Variants in COL6A5 observed in about 807,000 individuals in gnomAD.
COL6A5 encodes the protein collagen alpha-5(VI) chain.
COL6A5 carries 48 observed loss-of-function variants against 65.6 expected under a neutral mutation model. That is an observed-to-expected ratio of 0.73 (90% confidence interval 0.58 to 0.93). The LOEUF is 0.93. Ranked by LOEUF, COL6A5 falls within the 40% of genes least tolerant of loss-of-function variation. COL6A5 has a pLI of 0.00. For synonymous variants in COL6A5, 291 were observed against 322.8 expected (o/e 0.90, Z 1.05); for missense variants, 914 against 928.3 (o/e 0.98, Z 0.20).
At chr3:130,385,447 G>C in intron 5 of COL6A5, 83 bp downstream of exon 5, 1 of 1,330,624 alleles carries the variant, frequency 7.5e-7, no homozygotes, top group Non-Finnish European at 1.0e-6. Flanking sequence ...GACAAGGCCT[G>C]ATGTGACCAG....
intron 12 of COL6A5, among the ~76,000 whole-genome samples, chr3:130,402,805 A>G (rs1936859501): frequency 3.9e-5 from 6 of 152,214 alleles, no homozygotes; most frequent in Admixed American, 3.9e-4. Context: ...CTATACATTT[A>G]TATTTTATAC....
chr3:130,399,377 T>C (rs1035859094), intron 10 of COL6A5, among the ~76,000 whole-genome samples: 14 of 151,186 alleles, frequency 9.3e-5, no homozygotes, highest in African/African-American at 2.9e-4. Flanking sequence ...TTTCTTTTTT[T>C]TTTTTTTTTT....
exon 3 of COL6A5, chr3:130,440,329 A>G (rs772898632): frequency 5.0e-6 from 8 of 1,613,466 alleles, no homozygotes; most frequent in Non-Finnish European, 6.8e-6. Context: ...ACATTGCTTC[A>G]GACCCTTTAA....
intron 25 of COL6A5, 142 bp downstream of exon 25, chr3:130,419,073 C>T: frequency 1.5e-6 from 1 of 687,506 alleles, no homozygotes; most frequent in Non-Finnish European, 2.6e-6. Flanking sequence ...ACATTTCTCC[C>T]ACCCCCTAAA....
At chr3:130,414,030 G>A (rs758848656) in intron 21 of COL6A5, 39 bp from the exon 22 acceptor site, 15 of 1,396,796 alleles carry the variant, frequency 1.1e-5, no homozygotes, top group African/African-American at 7.1e-5. Context: ...TGGAAACAAC[G>A]TGTAGAAATG....
At chr3:130,362,280 G>C (rs56185405) in intron 1 of COL6A5, among the ~76,000 whole-genome samples, 31 of 14,642 alleles carry the variant, frequency 2.1e-3, no homozygotes, top group Middle Eastern at 0.071. Context: ...CTTTGTCTCT[G>C]TCTTTCTCCA....
chr3:130,429,529 T>G, upstream of COL6A5: 1 of 1,524,128 alleles, frequency 6.6e-7, no homozygotes, highest in Non-Finnish European at 8.8e-7. Context: ...TTTTTAGTCT[T>G]GTTTCAAGAA....
chr3:130,459,720 A>G (rs1709661742), intron 5 of COL6A5, among the ~76,000 whole-genome samples: 1 of 149,088 alleles, frequency 6.7e-6, no homozygotes, highest in African/African-American at 2.5e-5. Flanking sequence ...CCAAGATTCT[A>G]CTATATTTTT....
chr3:130,484,427 C>T (rs1710324316), exon 8 of COL6A5: 1 of 402,770 alleles, frequency 2.5e-6, no homozygotes, highest in African/African-American at 2.1e-5. Flanking sequence ...TTGGACTCCT[C>T]TAAAAGCATT....
At position 130,413,590 on chromosome 3, in the gene COL6A5, C is replaced by A. The variant is rs1396180154; in HGVS notation, c.4698+10C>A. On this transcript the variant is annotated intron_variant and NMD_transcript_variant, in intron 21 of 41. Transcript: ENST00000312481. ...ACTCCGAGGTGTCTCAGTAAGTAAC[C>A]TTGACTTCCTGTTCTCTGTGGTTGA... 7 of 1,547,988 alleles carry A rather than the reference C, an allele frequency of 4.5e-6. No homozygotes were observed. In the East Asian group the frequency reaches 1.7e-4, roughly 38 times the overall value.
exon 8 of COL6A5, chr3:130,484,723 T>C (rs1710330406): frequency 2.5e-6 from 1 of 398,772 alleles, no homozygotes; most frequent in Non-Finnish European, 4.4e-6. Context: ...GCTTTGTGTA[T>C]ACTGAATTTT....
intron 1 of COL6A5, among the ~76,000 whole-genome samples, chr3:130,364,897 C>T (rs1935275597): frequency 6.6e-6 from 1 of 152,208 alleles, no homozygotes; most frequent in African/African-American, 2.4e-5. Context: ...TAAAACCCAA[C>T]CCAAACTAGC....
intron 7 of COL6A5, among the ~76,000 whole-genome samples, chr3:130,478,059 T>C (rs1311941222): frequency 6.6e-6 from 1 of 152,170 alleles, no homozygotes; most frequent in African/African-American, 2.4e-5. Flanking sequence ...CAATTACTGG[T>C]CATGTGATCT....
At chr3:130,440,665 C>T (rs374598016) in exon 3 of COL6A5, 245 of 1,613,154 alleles carry the variant, frequency 1.5e-4, no homozygotes, top group South Asian at 1.2e-3. Flanking sequence ...GTCAAGGCTA[C>T]GTCATATTTG....
chr3:130,430,324 A>G (rs1937748596), upstream of COL6A5, among the ~76,000 whole-genome samples: 1 of 152,184 alleles, frequency 6.6e-6, no homozygotes, highest in South Asian at 2.1e-4. Flanking sequence ...ATATTTTAAA[A>G]TTACTGAAAT....
At chr3:130,381,490 T>G (rs1935993859) in intron 4 of COL6A5, among the ~76,000 whole-genome samples, 1 of 152,140 alleles carries the variant, frequency 6.6e-6, no homozygotes, top group Admixed American at 6.6e-5. Flanking sequence ...CAATCACGGT[T>G]ATTTTCTGAC....
At chr3:130,375,143 G>A (rs1453708512) in intron 2 of COL6A5, among the ~76,000 whole-genome samples, 3 of 152,098 alleles carry the variant, frequency 2.0e-5, no homozygotes, top group Admixed American at 2.0e-4. Flanking sequence ...TTCTTATCTG[G>A]CTGATGCACC....
rs552032553 is a variant in COL6A5 at position 130,355,126 on chromosome 3, A to G, written c.-29+9145A>G. 1.6e-3 allele frequency among the ~76,000 whole-genome samples: 246 copies of G among 152,174 alleles called. 1 individual carries two copies. Among genetic ancestry groups the G allele is most frequent in the African/African-American group, 5.0e-3 (206 of 41,546 alleles). The stretch of plus-strand genomic sequence containing the variant: ...ACAGTTTGCATTGTGTTTCTATCCA[A>G]TAGTGCTGATGTGGGTTGCTTTGTA... On this transcript the variant is annotated intron_variant and NMD_transcript_variant, in intron 1 of 41. Coordinates refer to the COL6A5 transcript ENST00000312481.
intron 5 of COL6A5, among the ~76,000 whole-genome samples, chr3:130,467,121 T>G (rs1709836042): frequency 6.6e-6 from 1 of 152,040 alleles, no homozygotes; most frequent in South Asian, 2.1e-4. Context: ...TTAATTTTTA[T>G]GAATACATAA....
Sources: allele counts gnomAD v4.1 joint callset (sites outside exome capture counted in the v4.1 genomes callset), GRCh38; gene constraint gnomAD v4.1.1; transcripts MANE v1.5; gene names NCBI Gene and HGNC (gene_info 2026-07-23, HGNC 2026-07-21).